The following OR51B5 variants were observed in gnomAD, a reference collection of about 807,000 sequenced individuals.
OR51B5 encodes olfactory receptor family 51 subfamily B member 5.
For missense variants in OR51B5, 456 were observed against 374.6 expected (o/e 1.22, Z -1.79); for synonymous variants, 186 against 144.8 (o/e 1.28, Z -2.04).
intron 1 of OR51B5, among the ~76,000 whole-genome samples, chr11:5,424,318 G>C (rs970178549): frequency 6.6e-6 from 1 of 152,120 alleles, no homozygotes. Flanking sequence ...AAAGTTATTC[G>C]GGGAAAAGAG....
rs555766734 is a variant in OR51B5, at chr11:5,457,135, C to T, written n.84+48434G>A. ...TTTTTTGAACCCCATACTCTTCCCACAATGCCCCTTCAAGTAGGCCTGAGT... is the reference window on the plus strand; with the variant it reads ...TTTTTTGAACCCCATACTCTTCCCATAATGCCCCTTCAAGTAGGCCTGAGT... On this transcript the variant is annotated intron_variant and non_coding_transcript_variant, in intron 1 of 4. Coordinates refer to the OR51B5 transcript ENST00000415970. Among the ~76,000 whole-genome samples, 7 of 152,312 alleles carry T rather than the reference C, an allele frequency of 4.6e-5. No individual in the cohort carries two copies. The South Asian group carries it at 1.5e-3, about 32-fold the overall frequency.
intron 1 of OR51B5, among the ~76,000 whole-genome samples, chr11:5,467,706 G>A (rs1194809274): frequency 6.6e-6 from 1 of 152,194 alleles, no homozygotes; most frequent in Non-Finnish European, 1.5e-5. Flanking sequence ...TCAGGCATGT[G>A]CTTAAGCTTG....
chr11:5,354,395 T>G (rs1164977824), intron 1 of OR51B5, among the ~76,000 whole-genome samples: 1 of 152,212 alleles, frequency 6.6e-6, no homozygotes, highest in East Asian at 1.9e-4. Context: ...ATGGACACAT[T>G]TGACTGACAA....
intron 1 of OR51B5, among the ~76,000 whole-genome samples, chr11:5,463,967 G>T (rs1024440618): frequency 2.0e-5 from 3 of 152,222 alleles, no homozygotes; most frequent in Admixed American, 6.5e-5. Flanking sequence ...TCAACTGTAT[G>T]AGGACAGAAC....
intron 1 of OR51B5, among the ~76,000 whole-genome samples, chr11:5,490,662 T>G (rs1851567509): frequency 6.6e-6 from 1 of 152,172 alleles, no homozygotes; most frequent in African/African-American, 2.4e-5. Context: ...AGCCTGTCAT[T>G]CAGGGAGACT....
At chr11:5,365,981 G>T (rs1481646925) in intron 1 of OR51B5, among the ~76,000 whole-genome samples, 3 of 152,166 alleles carry the variant, frequency 2.0e-5, no homozygotes, top group African/African-American at 7.2e-5. Flanking sequence ...ACAAACTGAA[G>T]AACTGCTAGG....
chr11:5,479,700 G>T (rs1396953433), intron 1 of OR51B5, among the ~76,000 whole-genome samples: 2 of 150,162 alleles, frequency 1.3e-5, no homozygotes, highest in East Asian at 2.0e-4. Flanking sequence ...AAAAAAGGCA[G>T]GGGTTGCAAT....
chr11:5,374,114 G>A (rs1213578520), intron 1 of OR51B5, among the ~76,000 whole-genome samples: 1 of 152,152 alleles, frequency 6.6e-6, no homozygotes, highest in Non-Finnish European at 1.5e-5. Flanking sequence ...CACACGGCCA[G>A]GTACTCCTCT....
upstream of OR51B5, chr11:5,343,699 T>A: frequency 2.0e-6 from 1 of 512,042 alleles, no homozygotes; most frequent in Non-Finnish European, 3.4e-6. Flanking sequence ...ACTCATACTA[T>A]TTGTATTCTT....
In OR51B5 at chr11:5,404,167, G is replaced by T. The variant is rs1437081011; in HGVS notation, n.85-57257C>A. On this transcript the variant is annotated intron_variant and non_coding_transcript_variant, in intron 1 of 4. Transcript: ENST00000415970. ...GGTCGGGGGCGGGGGGAGGGGATGG[G>T]GCGGGGAGGGCGGGGGGCGGAACTT... 4.9e-5 allele frequency among the ~76,000 whole-genome samples: 7 copies of T among 143,836 alleles called. No homozygotes were observed. In the South Asian group the frequency reaches 1.4e-3, roughly 29 times the overall value. 94.4% of individuals were successfully genotyped at this position (143,836 alleles called of 152,430 possible). A position where few individuals can be genotyped will look rare whatever the true frequency, so the allele number is the denominator to read the frequency against.
At chr11:5,448,814 T>C (rs1850805642) in intron 1 of OR51B5, among the ~76,000 whole-genome samples, 1 of 152,312 alleles carries the variant, frequency 6.6e-6, no homozygotes, top group South Asian at 2.1e-4. Flanking sequence ...AGGATGTAGC[T>C]CTGAATGCTG....
upstream of OR51B5, chr11:5,343,743 G>A (rs982739887): frequency 1.2e-5 from 5 of 413,006 alleles, no homozygotes; most frequent in East Asian, 7.2e-5. Flanking sequence ...TCCTACCTAC[G>A]TAATCAAATT....
chr11:5,495,016 A>G (rs1288513310), intron 1 of OR51B5, among the ~76,000 whole-genome samples: 2 of 152,216 alleles, frequency 1.3e-5, no homozygotes, highest in Non-Finnish European at 2.9e-5. Flanking sequence ...CATTAGCAAC[A>G]TAATGAAGTA....
chr11:5,419,018 C>G (rs930435527), intron 1 of OR51B5, among the ~76,000 whole-genome samples: 1 of 152,004 alleles, frequency 6.6e-6, no homozygotes, highest in Non-Finnish European at 1.5e-5. Flanking sequence ...GAGTCATGTG[C>G]AGGTATATGA....
chr11:5,472,818 C>G (rs1358226305), intron 1 of OR51B5, among the ~76,000 whole-genome samples: 2 of 152,140 alleles, frequency 1.3e-5, no homozygotes, highest in African/African-American at 4.8e-5. Flanking sequence ...AGGGTTCTTT[C>G]CAGTAAGCAT....
At chr11:5,363,532 A>G (rs1476664539) in intron 1 of OR51B5, among the ~76,000 whole-genome samples, 3 of 151,966 alleles carry the variant, frequency 2.0e-5, no homozygotes, top group Non-Finnish European at 4.4e-5. Flanking sequence ...CATGAGGTAC[A>G]CTCACTACTT....
intron 1 of OR51B5, among the ~76,000 whole-genome samples, chr11:5,384,450 C>G (rs1296272348): frequency 6.6e-6 from 1 of 152,146 alleles, no homozygotes; most frequent in Non-Finnish European, 1.5e-5. Context: ...AGAGAAAGAA[C>G]AGAAAACAGG....
exon 1 of OR51B5, chr11:5,343,230 C>T (rs1385293473): frequency 6.2e-7 from 1 of 1,613,698 alleles, no homozygotes. Flanking sequence ...ATAAAGTAGG[C>T]CTGGGAAAAG....
chr11:5,341,875 TACTG>T (rs1848900463), downstream of OR51B5, among the ~76,000 whole-genome samples: 1 of 152,120 alleles, frequency 6.6e-6, no homozygotes, highest in South Asian at 2.1e-4. Context: ...TAGAAGGAGG[TACTG>T]ACTGTGTCTA....
Sources: gnomAD v4.1 joint callset for allele counts (sites outside exome capture counted in the v4.1 genomes callset) on GRCh38, gnomAD v4.1.1 for gene constraint, MANE v1.5 for transcripts, NCBI Gene and HGNC (gene_info 2026-07-23, HGNC 2026-07-21) for gene names.